Variants in UMAD1 observed in about 807,000 individuals in gnomAD.
UMAD1 encodes UBAP1-MVB12-associated (UMA) domain containing 1.
In UMAD1, 8 loss-of-function variants were observed where a neutral mutation model predicts 6.1. The ratio of observed to expected loss-of-function variants is 1.30; its 90% CI spans 0.76 to 2.35. UMAD1 has a LOEUF of 2.35. UMAD1 is among the 30% of genes most tolerant of loss of function. The pLI is 0.00. For synonymous variants in UMAD1, 56 were observed against 31.4 expected (o/e 1.78, Z -2.61); for missense variants, 130 against 78.4 (o/e 1.66, Z -2.49).
At chr7:7,657,800 A>G (rs1166729929) in intron 1 of UMAD1, among the ~76,000 whole-genome samples, 1 of 152,122 alleles carries the variant, frequency 6.6e-6, no homozygotes, top group East Asian at 1.9e-4. Flanking sequence ...TGTGGGCTCT[A>G]TTTTGGTTCT....
chr7:7,857,640 A>G (rs1784043051), intron 3 of UMAD1, among the ~76,000 whole-genome samples: 1 of 152,254 alleles, frequency 6.6e-6, no homozygotes, highest in Non-Finnish European at 1.5e-5. Flanking sequence ...TTATTTTTAA[A>G]ATGTATTATT....
At chr7:7,788,853 G>C (rs967770288) in intron 2 of UMAD1, among the ~76,000 whole-genome samples, 10 of 152,188 alleles carry the variant, frequency 6.6e-5, no homozygotes, top group South Asian at 6.2e-4. Flanking sequence ...CCCATCTTCA[G>C]AGGAAATCTA....
chr7:7,807,223 C>G (rs1330471014), intron 3 of UMAD1, among the ~76,000 whole-genome samples: 1 of 152,092 alleles, frequency 6.6e-6, no homozygotes, highest in Non-Finnish European at 1.5e-5. Flanking sequence ...AGGATATTGT[C>G]TGGGGGAGTC....
intron 2 of UMAD1, among the ~76,000 whole-genome samples, chr7:7,796,251 T>TTTTTTTTTTTTTTC (rs1782677172): frequency 3.2e-5 from 4 of 123,276 alleles, no homozygotes; most frequent in African/African-American, 1.6e-4. Flanking sequence ...TTTCTTTTTT[T>TTTTTTTTTTTTTTC]TTTTTTTTTT....
At chr7:7,663,722 A>G (rs1280927909) in intron 1 of UMAD1, among the ~76,000 whole-genome samples, 1 of 152,216 alleles carries the variant, frequency 6.6e-6, no homozygotes, top group Non-Finnish European at 1.5e-5. Context: ...CAAATAAGGA[A>G]TGTAAAATTT....
intron 3 of UMAD1, among the ~76,000 whole-genome samples, chr7:7,838,435 G>A (rs535693679): frequency 6.6e-6 from 1 of 152,274 alleles, no homozygotes; most frequent in South Asian, 2.1e-4. Context: ...AAAATAAGAA[G>A]CATACAGGAC....
At chr7:7,777,352 A>G (rs1782230811) in intron 2 of UMAD1, among the ~76,000 whole-genome samples, 1 of 151,062 alleles carries the variant, frequency 6.6e-6, no homozygotes, top group Non-Finnish European at 1.5e-5. Flanking sequence ...TAAAAATACA[A>G]AAAATTAGCT....
intron 3 of UMAD1, among the ~76,000 whole-genome samples, chr7:7,848,812 T>G (rs974627070): frequency 6.6e-6 from 1 of 152,114 alleles, no homozygotes; most frequent in Non-Finnish European, 1.5e-5. Flanking sequence ...AAGGAAAGAA[T>G]TTTTTAAGCT....
intron 2 of UMAD1, among the ~76,000 whole-genome samples, chr7:7,769,584 G>C (rs1481916605): frequency 2.0e-5 from 3 of 152,116 alleles, no homozygotes; most frequent in African/African-American, 7.2e-5. Flanking sequence ...TTGGTTTGGT[G>C]GGCTGCCTAC....
chr7:7,760,203 C>T (rs996887221), intron 2 of UMAD1, among the ~76,000 whole-genome samples: 5 of 151,982 alleles, frequency 3.3e-5, no homozygotes, highest in African/African-American at 1.2e-4. Context: ...AACTTTCTAG[C>T]CATTCTACCA....
intron 3 of UMAD1, among the ~76,000 whole-genome samples, chr7:7,839,973 G>A (rs1783647358): frequency 6.6e-6 from 1 of 152,174 alleles, no homozygotes; most frequent in African/African-American, 2.4e-5. Flanking sequence ...GGTTTTGCTA[G>A]CTGAAAACAT....
At chr7:7,707,875 A>G (rs965110493) in intron 2 of UMAD1, among the ~76,000 whole-genome samples, 9 of 152,216 alleles carry the variant, frequency 5.9e-5, no homozygotes, top group African/African-American at 2.2e-4. Context: ...TGTGAGCTGT[A>G]AAACCCAAAC....
intron 2 of UMAD1, among the ~76,000 whole-genome samples, chr7:7,734,649 C>G (rs1006395630): frequency 1.3e-5 from 2 of 152,062 alleles, no homozygotes; most frequent in Non-Finnish European, 2.9e-5. Flanking sequence ...TAAAATAAAG[C>G]CCTTCGCCAT....
intron 2 of UMAD1, among the ~76,000 whole-genome samples, chr7:7,674,151 T>A (rs928163004): frequency 1.5e-4 from 23 of 152,192 alleles, no homozygotes; most frequent in African/African-American, 5.5e-4. Context: ...GTGGTTCTCA[T>A]CCTTTTCCAT....
chr7:7,878,602 A>G lies in UMAD1; in HGVS notation c.*1064A>G, dbSNP rs991760297. 17 of 152,214 alleles carry G rather than the reference A, an allele frequency of 1.1e-4. No homozygotes were observed. The highest frequency in any genetic ancestry group is 2.2e-4 in the Non-Finnish European group (15 of 68,022). The allele number at this position is 152,214 out of a possible 1,614,324, so 9.4% of individuals were successfully genotyped here. A position where few individuals can be genotyped will look rare whatever the true frequency, so the allele number is the denominator to read the frequency against. Reference sequence around the variant, plus strand: ...GGTAAATTGTGATAGAGAATTTTCTATGTCATGGGAAATTGAAATCACATT... The same window carrying G: ...GGTAAATTGTGATAGAGAATTTTCTGTGTCATGGGAAATTGAAATCACATT... On this transcript the variant is annotated 3_prime_UTR_variant, in exon 4 of 4. Coordinates refer to ENST00000682710, the MANE Select transcript of UMAD1 (RefSeq NM_001302348.2).
chr7:7,725,788 T>TC (rs1781128034), intron 2 of UMAD1, among the ~76,000 whole-genome samples: 1 of 152,192 alleles, frequency 6.6e-6, no homozygotes, highest in Non-Finnish European at 1.5e-5. Flanking sequence ...TGCCTTCTCT[T>TC]CCCCAGACTG....
rs180687674 is a variant in UMAD1 at position 7,656,535 on chromosome 7, C to G, written c.-64+15714C>G. ...CCTGTGTCCATGTGTTCTCATTGCT[C>G]AACTCCCACTTATAAGTGAAAACAT... On this transcript the variant is annotated intron_variant, in intron 1 of 3. Transcript: ENST00000682710. Among the ~76,000 whole-genome samples, 3 of 152,248 alleles carry G rather than the reference C, an allele frequency of 2.0e-5. No homozygotes were observed. The East Asian group carries it at 5.8e-4, about 30-fold the overall frequency.
chr7:7,684,760 C>T (rs776915360), intron 2 of UMAD1, among the ~76,000 whole-genome samples: 2 of 152,136 alleles, frequency 1.3e-5, no homozygotes, highest in Admixed American at 1.3e-4. Flanking sequence ...GATTAACACC[C>T]GTAAACTTTT....
At chr7:7,713,975 C>T (rs1298839323) in intron 2 of UMAD1, among the ~76,000 whole-genome samples, 1 of 152,210 alleles carries the variant, frequency 6.6e-6, no homozygotes, top group Non-Finnish European at 1.5e-5. Context: ...GCTGGGACTA[C>T]AGGCATGTGC....
Sources: gnomAD v4.1 joint callset for allele counts (sites outside exome capture counted in the v4.1 genomes callset) on GRCh38, gnomAD v4.1.1 for gene constraint, MANE v1.5 for transcripts, NCBI Gene and HGNC (gene_info 2026-07-23, HGNC 2026-07-21) for gene names.